The following SUPT3H variants were observed in gnomAD, a reference collection of about 807,000 sequenced individuals.
SUPT3H encodes SPT3 homolog, SAGA and STAGA complex component.
A neutral mutation model predicts 44.3 loss-of-function variants in SUPT3H; 44 were observed. That is an observed-to-expected ratio of 0.99 (90% CI 0.78 to 1.28). The LOEUF (loss-of-function observed/expected upper bound fraction) is 1.28. Ranked by LOEUF, SUPT3H falls within the 50% of genes most tolerant of loss-of-function variation. The pLI, the probability that SUPT3H is intolerant of heterozygous loss-of-function variation, is 0.00. For missense variants in SUPT3H, 380 were observed against 387.1 expected, an observed-to-expected ratio of 0.98 and a Z score of 0.15; for synonymous variants, 124 against 125.6, an observed-to-expected ratio of 0.99 and a Z score of 0.09.
chr6:45,087,055 T>A (rs1421164363), intron 3 of SUPT3H, among the ~76,000 whole-genome samples: 2 of 151,912 alleles, frequency 1.3e-5, no homozygotes, highest in East Asian at 3.8e-4. Flanking sequence ...GAGTTTAAAA[T>A]CAGATTAAGC....
chr6:44,921,419 C>G (rs1376237370), intron 10 of SUPT3H, among the ~76,000 whole-genome samples: 3 of 152,138 alleles, frequency 2.0e-5, no homozygotes, highest in African/African-American at 7.2e-5. Flanking sequence ...TTTATTTTAA[C>G]CATTTGCAAG....
intron 2 of SUPT3H, among the ~76,000 whole-genome samples, chr6:45,151,950 T>C (rs1014381031): frequency 6.6e-6 from 1 of 152,168 alleles, no homozygotes; most frequent in African/African-American, 2.4e-5. Flanking sequence ...TCTGTTCTTG[T>C]AACATTAACT....
chr6:45,144,776 G>A (rs1325008968), intron 2 of SUPT3H, among the ~76,000 whole-genome samples: 1 of 151,858 alleles, frequency 6.6e-6, no homozygotes, highest in Non-Finnish European at 1.5e-5. Context: ...CATCCAAAAA[G>A]CTCCTAGATT....
intron 2 of SUPT3H, among the ~76,000 whole-genome samples, chr6:45,140,153 T>C (rs1412975197): frequency 4.6e-5 from 7 of 152,182 alleles, no homozygotes; most frequent in Non-Finnish European, 8.8e-5. Flanking sequence ...TAATCCCCTA[T>C]GGAAAATAAC....
At chr6:45,073,417 C>CA (rs917764948) in intron 3 of SUPT3H, among the ~76,000 whole-genome samples, 59 of 151,096 alleles carry the variant, frequency 3.9e-4, no homozygotes, top group Admixed American at 1.6e-3. Context: ...TCAGAAAATA[C>CA]AAAAAAAAGC....
intron 10 of SUPT3H, among the ~76,000 whole-genome samples, chr6:44,931,034 G>A (rs1446642860): frequency 6.6e-6 from 1 of 152,144 alleles, no homozygotes; most frequent in Non-Finnish European, 1.5e-5. Flanking sequence ...CATCAACCAC[G>A]ATGGCTCTCA....
At chr6:45,279,336 G>A (rs895360479) in intron 2 of SUPT3H, among the ~76,000 whole-genome samples, 10 of 152,172 alleles carry the variant, frequency 6.6e-5, no homozygotes, top group Non-Finnish European at 1.2e-4. Context: ...TTATGTGTAT[G>A]TTTGTGTGCA....
rs762949913 is a variant in SUPT3H, at chr6:45,322,839, T to G, written c.101+42362A>C. 3.3e-6 allele frequency: 5 copies of G among 1,515,556 alleles called. No individual in the cohort carries two copies. The South Asian group carries it at 5.6e-5, about 17-fold the overall frequency. The allele number at this position is 1,515,556 out of a possible 1,614,324, so 93.9% of individuals were successfully genotyped here. ...TGCACTTTCTCCAACCACAGTTAGA[T>G]TCATCCAAAAGCAGTGGCACTGGAG... is the stretch of plus-strand genomic sequence containing the variant. On this transcript the variant is annotated intron_variant, in intron 2 of 10. Coordinates refer to ENST00000371459, the MANE Select transcript of SUPT3H (RefSeq NM_003599.4).
At position 45,328,549 on chromosome 6, in the gene SUPT3H, C is replaced by T. The variant is rs912440504; in HGVS notation, c.101+36652G>A. ...CTTTTTGTTTTGTTTCTTTGCTTTT[C>T]ACATGTTACCAGCTACATAATTTCT... is the stretch of plus-strand genomic sequence containing the variant. On this transcript the variant is annotated intron_variant, in intron 2 of 10. Transcript: ENST00000371459. The T allele has an allele frequency of 7.6e-6, 12 of 1,575,888 alleles. No individual in the cohort carries two copies. The African/African-American group carries it at 1.6e-4, about 22-fold the overall frequency.
rs562265447 is a variant in SUPT3H, at chr6:45,246,081, T to C, written c.101+119120A>G. 1.6e-4 allele frequency among the ~76,000 whole-genome samples: 24 copies of C among 152,292 alleles called. No individual in the cohort carries two copies. In the South Asian group the frequency reaches 3.5e-3, roughly 22 times the overall value. ...CCACCTGTATATTTTCTTTGGAGAA[T>C]GTTTATTCAACATTTTTGCCCATTT... On this transcript the variant is annotated intron_variant, in intron 2 of 10. Transcript: ENST00000371459.
intron 2 of SUPT3H, among the ~76,000 whole-genome samples, chr6:45,126,633 A>G (rs956107560): frequency 6.6e-6 from 1 of 152,190 alleles, no homozygotes; most frequent in Non-Finnish European, 1.5e-5. Context: ...CCCCCAAAAG[A>G]TATGAAGAAC....
intron 2 of SUPT3H, among the ~76,000 whole-genome samples, chr6:45,330,231 G>C (rs1338958639): frequency 6.6e-6 from 1 of 151,774 alleles, no homozygotes; most frequent in South Asian, 2.1e-4. Flanking sequence ...TTAATGATGG[G>C]TACCAAGTAT....
chr6:44,927,858 C>T (rs1174016790), intron 10 of SUPT3H, among the ~76,000 whole-genome samples: 2 of 151,944 alleles, frequency 1.3e-5, no homozygotes, highest in Non-Finnish European at 2.9e-5. Context: ...CAGATAGGCT[C>T]GGTGTGTACA....
At chr6:45,091,009 G>A (rs1797063170) in intron 3 of SUPT3H, among the ~76,000 whole-genome samples, 2 of 151,908 alleles carry the variant, frequency 1.3e-5, no homozygotes, top group African/African-American at 4.8e-5. Context: ...CAATAATATG[G>A]TTGATTTCTG....
intron 3 of SUPT3H, among the ~76,000 whole-genome samples, chr6:45,055,870 C>A (rs1255394271): frequency 6.6e-6 from 1 of 152,144 alleles, no homozygotes; most frequent in Non-Finnish European, 1.5e-5. Context: ...AAGAAATAAT[C>A]AGCAGAGTAA....
At chr6:44,955,798 G>A (rs929001474) in intron 7 of SUPT3H, among the ~76,000 whole-genome samples, 3 of 152,100 alleles carry the variant, frequency 2.0e-5, no homozygotes, top group African/African-American at 4.8e-5. Flanking sequence ...CGGGTGATGG[G>A]TGCACCAAAA....
At chr6:45,025,309 A>G (rs1785797393) in intron 3 of SUPT3H, among the ~76,000 whole-genome samples, 1 of 152,192 alleles carries the variant, frequency 6.6e-6, no homozygotes, top group African/African-American at 2.4e-5. Flanking sequence ...GCAGTTCATA[A>G]TAGCTTAATT....
intron 2 of SUPT3H, among the ~76,000 whole-genome samples, chr6:45,221,377 TATA>T (rs925180061): frequency 2.0e-5 from 3 of 151,876 alleles, no homozygotes; most frequent in Non-Finnish European, 4.4e-5. Flanking sequence ...TAATATAAAA[TATA>T]ATAATAAGAG....
In SUPT3H at chr6:45,130,084, C is replaced by T. The variant is rs116469418; in HGVS notation, c.102-24078G>A. Among the ~76,000 whole-genome samples, 616 of 152,264 alleles carry T rather than the reference C, an allele frequency of 4.0e-3. 5 individuals are homozygous for T. The highest frequency in any genetic ancestry group is 0.014 in the African/African-American group (591 of 41,542). ...GTGTACAGTTTAGTAGGTTTCTGGACATTCACAGAGTTGTGAAACCATCAC... is the reference window on the plus strand; with the variant it reads ...GTGTACAGTTTAGTAGGTTTCTGGATATTCACAGAGTTGTGAAACCATCAC... On this transcript the variant is annotated intron_variant, in intron 2 of 10. Coordinates refer to ENST00000371459, the MANE Select transcript of SUPT3H (RefSeq NM_003599.4).
Sources: gnomAD v4.1 joint callset for allele counts (sites outside exome capture counted in the v4.1 genomes callset) on GRCh38, gnomAD v4.1.1 for gene constraint, MANE v1.5 for transcripts, NCBI Gene and HGNC (gene_info 2026-07-23, HGNC 2026-07-21) for gene names.